Variants in RASGEF1B observed in about 807,000 individuals in gnomAD.
The protein encoded by RASGEF1B is ras-GEF domain-containing family member 1B.
A neutral mutation model predicts 65.7 loss-of-function variants in RASGEF1B; 30 were observed. That is an observed-to-expected ratio of 0.46 (90% CI 0.34 to 0.62). The LOEUF is 0.62. Ranked by LOEUF, RASGEF1B falls within the 20% of genes least tolerant of loss-of-function variation. The probability of loss-of-function intolerance (pLI) is 0.01; values close to 1 mark genes in which losing one functional copy is unlikely to be tolerated. For missense variants in RASGEF1B, 495 were observed against 580.1 expected (o/e 0.85, Z 1.51); for synonymous variants, 175 against 194.8 (o/e 0.90, Z 0.85).
At chr4:81,457,692 C>G (rs930150813) in intron 2 of RASGEF1B, 71 bp from the exon 3 acceptor site, 14 of 1,539,326 alleles carry the variant, frequency 9.1e-6, no homozygotes, top group Non-Finnish European at 1.2e-5. Context: ...TATACTATGT[C>G]TTATTTCATT....
intron 4 of RASGEF1B, among the ~76,000 whole-genome samples, chr4:81,449,675 TACC>T (rs1261747831): frequency 6.6e-6 from 1 of 152,184 alleles, no homozygotes; most frequent in Non-Finnish European, 1.5e-5. Context: ...TTTAAAAAAA[TACC>T]ACAATATCAT....
intron 13 of RASGEF1B, among the ~76,000 whole-genome samples, chr4:81,429,983 T>C (rs1721366258): frequency 6.6e-6 from 1 of 152,300 alleles, no homozygotes; most frequent in South Asian, 2.1e-4. Flanking sequence ...ACATCTCCCT[T>C]TGGGCTCCCC....
At chr4:81,456,910 G>A in intron 3 of RASGEF1B, 122 bp from the exon 4 acceptor site, 1 of 849,916 alleles carries the variant, frequency 1.2e-6, no homozygotes, top group South Asian at 1.8e-5. Context: ...TGAAGAAGAA[G>A]CTCCAGCCCC....
At chr4:81,441,717 A>AT (rs1721844465) in intron 9 of RASGEF1B, among the ~76,000 whole-genome samples, 1 of 151,572 alleles carries the variant, frequency 6.6e-6, no homozygotes. Flanking sequence ...AATTTTTTGT[A>AT]TTTTTTATAG....
At chr4:81,468,265 T>G (rs1722914458) in intron 1 of RASGEF1B, among the ~76,000 whole-genome samples, 1 of 152,202 alleles carries the variant, frequency 6.6e-6, no homozygotes, top group South Asian at 2.1e-4. Flanking sequence ...AGTTTTCTAT[T>G]TATATTTTAG....
chr4:81,434,085 T>C (rs868499542), intron 11 of RASGEF1B, 122 bp from the exon 12 acceptor site: 44 of 859,698 alleles, frequency 5.1e-5, no homozygotes, highest in Middle Eastern at 7.2e-4. Flanking sequence ...GGTTTCACTC[T>C]GTCACCAAAG....
At chr4:81,469,708 G>C (rs997314047) in intron 1 of RASGEF1B, among the ~76,000 whole-genome samples, 2 of 152,010 alleles carry the variant, frequency 1.3e-5, no homozygotes, top group Non-Finnish European at 2.9e-5. Flanking sequence ...GCTGTAGGGG[G>C]TTAGCGGGAG....
rs781678375 is a variant in RASGEF1B, at chr4:81,445,776, G to A, written c.792C>T (p.Arg264=). The part of the protein sequence containing the change: ...NLEAYVEWFN[R]LSYLVATEIC... ...TTTCTGTAGCAACCAAGTAGCTGAG[G>A]CGATTAAACCATTCCACGTAAGCTT... is the stretch of plus-strand genomic sequence containing the variant. Residue 264 remains arginine, a synonymous_variant, in exon 7 of 14, where the codon CGC becomes CGT. Transcript: ENST00000264400. 5.0e-6 allele frequency: 8 copies of A among 1,614,036 alleles called. No individual in the cohort carries two copies. In the East Asian group the frequency reaches 1.3e-4, roughly 27 times the overall value.
chr4:81,435,152 C>CTT (rs1721564573), intron 10 of RASGEF1B, among the ~76,000 whole-genome samples: 1 of 152,062 alleles, frequency 6.6e-6, no homozygotes, highest in South Asian at 2.1e-4. Context: ...TGGCTCACGC[C>CTT]TGTAATCCCA....
chr4:81,429,021 G>A (rs1721325568), intron 13 of RASGEF1B, among the ~76,000 whole-genome samples: 1 of 152,274 alleles, frequency 6.6e-6, no homozygotes, highest in Non-Finnish European at 1.5e-5. Flanking sequence ...AGCATGGGCT[G>A]ACGAGTAATA....
rs200459369 is a variant in RASGEF1B at position 81,459,515 on chromosome 4, C to T, written c.-6-1G>A. On this transcript the variant is annotated splice_acceptor_variant, in intron 1 of 13. Coordinates refer to ENST00000264400, the MANE Select transcript of RASGEF1B (RefSeq NM_152545.3). LOFTEE classifies it low-confidence loss of function (5UTR_SPLICE). ...AGGGAGGAGTCTGAGGCATACTTTC[C>T]TAAAAGGAATAAAAAAGAAGAAAAA... 202 of 1,556,402 alleles carry T rather than the reference C, an allele frequency of 1.3e-4. No individual in the cohort carries two copies. The highest frequency in any genetic ancestry group is 1.7e-4 in the Middle Eastern group (1 of 5,788).
intron 1 of RASGEF1B, among the ~76,000 whole-genome samples, chr4:81,469,311 A>T (rs6535252): frequency 0.43 from 65,159 of 151,948 alleles, 16,076 homozygotes; most frequent in African/African-American, 0.68. Context: ...AAGACATTCC[A>T]TTCACCCATC....
intron 9 of RASGEF1B, among the ~76,000 whole-genome samples, chr4:81,441,863 G>A (rs2109975000): frequency 6.6e-6 from 1 of 152,246 alleles, no homozygotes; most frequent in East Asian, 1.9e-4. Context: ...ACTATCCTCA[G>A]AATTGTATGG....
intron 2 of RASGEF1B, among the ~76,000 whole-genome samples, chr4:81,458,004 T>A (rs1278849751): frequency 6.6e-6 from 1 of 152,166 alleles, no homozygotes; most frequent in Non-Finnish European, 1.5e-5. Flanking sequence ...TGGTTGTGTG[T>A]CCAAATATTT....
At chr4:81,458,027 G>A (rs889129993) in intron 2 of RASGEF1B, among the ~76,000 whole-genome samples, 10 of 152,064 alleles carry the variant, frequency 6.6e-5, no homozygotes, top group African/African-American at 2.4e-4. Context: ...TAACTCAGTG[G>A]AAACCAAATA....
At position 81,433,962 on chromosome 4, in the gene RASGEF1B, T is replaced by C; in HGVS notation, c.1202A>G (p.Lys401Arg). The change falls in exon 12 of 14, where the codon AAA becomes AGA. Residue 401 changes from lysine to arginine, a missense_variant and splice_region_variant. By Grantham distance (26) the Lys-to-Arg change is conservative. Transcript: ENST00000264400. ...RLPNGHVNFE[K>R]FWELAKQVSE... ...CACTTGTTTGGCCAGTTCCCAAAAT[T>C]TCTGGAAGATAAGTAAAAAAAGAAT... 3 of 1,612,910 alleles carry C rather than the reference T, an allele frequency of 1.9e-6. No homozygotes were observed. The highest frequency in any genetic ancestry group is 1.1e-5 in the South Asian group (1 of 90,970).
chr4:81,449,774 A>G (rs907884658), intron 4 of RASGEF1B, among the ~76,000 whole-genome samples: 1 of 152,212 alleles, frequency 6.6e-6, no homozygotes, highest in Non-Finnish European at 1.5e-5. Context: ...AATTTTGTTT[A>G]TTAGAGTATA....
chr4:81,460,293 G>C (rs1456865078), intron 1 of RASGEF1B, among the ~76,000 whole-genome samples: 1 of 152,216 alleles, frequency 6.6e-6, no homozygotes, highest in Non-Finnish European at 1.5e-5. Flanking sequence ...CCTTGTCAGA[G>C]GGTGCTCTGC....
chr4:81,441,529 T>A (rs981733178), intron 9 of RASGEF1B, among the ~76,000 whole-genome samples: 15 of 150,744 alleles, frequency 1.0e-4, no homozygotes, highest in African/African-American at 3.2e-4. Flanking sequence ...ATACACATAC[T>A]CTTGCACGCG....
Sources: gnomAD v4.1 joint callset for allele counts (sites outside exome capture counted in the v4.1 genomes callset) on GRCh38, gnomAD v4.1.1 for gene constraint, MANE v1.5 for transcripts, NCBI Gene and HGNC (gene_info 2026-07-23, HGNC 2026-07-21) for gene names.